The following SMCO3 variants were observed in gnomAD, a reference collection of about 807,000 sequenced individuals.
SMCO3 encodes the protein single-pass membrane and coiled-coil domain-containing protein 3.
SMCO3 carries 6 observed loss-of-function variants against 12.0 expected under a neutral mutation model. The observed-to-expected ratio is 0.50, with a 90% CI of 0.27 to 0.99. The LOEUF (loss-of-function observed/expected upper bound fraction) is 0.99, where lower values mean the gene tolerates loss of function less well. Among genes scored for constraint, SMCO3 ranks in the 50% least tolerant of loss-of-function variants. SMCO3 has a pLI of 0.11. For synonymous variants in SMCO3, 96 were observed against 96.4 expected (o/e 1.00, Z 0.02); for missense variants, 279 against 265.0 (o/e 1.05, Z -0.37).
Position 14,805,976 on chromosome 12 carries a change from C to T in SMCO3, c.*27G>A. 1.9e-6 allele frequency: 3 copies of T among 1,562,922 alleles called. No individual in the cohort carries two copies. Among genetic ancestry groups the T allele is most frequent in the Non-Finnish European group, 1.7e-6 (2 of 1,155,078 alleles). ...TGTTACTGAAAAGGAAGCAGAAAAA[C>T]ACTTCAGTGGCAAATAAAACGGCTG... On this transcript the variant is annotated 3_prime_UTR_variant, in exon 2 of 2. Coordinates refer to ENST00000316048, the MANE Select transcript of SMCO3 (RefSeq NM_001013698.2).
At position 14,806,622 on chromosome 12, in the gene SMCO3, C is replaced by A; in HGVS notation, c.59G>T (p.Arg20Leu). The A allele has an allele frequency of 6.2e-7, 1 of 1,613,088 alleles. No individual in the cohort carries two copies. The highest frequency in any genetic ancestry group is 8.5e-7 in the Non-Finnish European group (1 of 1,179,744). Reference sequence around the variant, plus strand: ...GCAATCAAGAAGCTGCTGGTGAAGACGATTTACTTCTTCCCGCCTTTTTGG... The same window carrying A: ...GCAATCAAGAAGCTGCTGGTGAAGAAGATTTACTTCTTCCCGCCTTTTTGG... The part of the protein sequence containing the change: ...ENPKRREEVN[R>L]LHQQLLDCLS... Residue 20 changes from arginine to leucine, a missense_variant, in exon 2 of 2, where the codon CGT becomes CTT. Transcript: ENST00000316048.
intron 1 of SMCO3, among the ~76,000 whole-genome samples, chr12:14,813,452 C>G (rs892602444): frequency 1.3e-5 from 2 of 152,136 alleles, no homozygotes; most frequent in African/African-American, 4.8e-5. Flanking sequence ...AAAAATTGAT[C>G]ATGATGTGAT....
At chr12:14,809,284 T>C (rs918930890) in intron 1 of SMCO3, among the ~76,000 whole-genome samples, 3 of 152,222 alleles carry the variant, frequency 2.0e-5, no homozygotes, top group African/African-American at 7.2e-5. Context: ...CGGCTCCTTT[T>C]CAATTAACTC....
At chr12:14,811,056 G>A (rs1285493492) in intron 1 of SMCO3, among the ~76,000 whole-genome samples, 3 of 152,150 alleles carry the variant, frequency 2.0e-5, no homozygotes, top group Non-Finnish European at 2.9e-5. Flanking sequence ...AGCACCAACA[G>A]CAAGTGGTAT....
In SMCO3 at chr12:14,806,051, A is replaced by G. The variant is rs1950043140; in HGVS notation, c.630T>C (p.Asn210=). 6.2e-7 allele frequency: 1 copy of G among 1,614,042 alleles called. No homozygotes were observed. Among genetic ancestry groups the G allele is most frequent in the Non-Finnish European group, 8.5e-7 (1 of 1,180,018 alleles). The change falls in exon 2 of 2, where the codon AAT becomes AAC. Residue 210 remains asparagine, a synonymous_variant. Coordinates refer to ENST00000316048, the MANE Select transcript of SMCO3 (RefSeq NM_001013698.2). The stretch of plus-strand genomic sequence containing the variant: ...TATTGATGACCTCAGTAATGGCATG[A>G]TTATATTTTTCTGAGGCTGATTTGA... The part of the protein sequence containing the change: ...VEFKSASEKY[N]HAITEVINTV...
chr12:14,811,456 T>C (rs1318615883), intron 1 of SMCO3, among the ~76,000 whole-genome samples: 1 of 152,234 alleles, frequency 6.6e-6, no homozygotes, highest in Admixed American at 6.5e-5. Flanking sequence ...AATTTTTGAC[T>C]TGTTATTTTA....
Position 14,806,651 on chromosome 12 carries a change from C to G in SMCO3, c.30G>C (p.Glu10Asp). Reference sequence around the variant, plus strand: ...TTACTTCTTCCCGCCTTTTTGGGTTCTCTGGGTAAAGGAAGTCACTTTGGG... The same window carrying G: ...TTACTTCTTCCCGCCTTTTTGGGTTGTCTGGGTAAAGGAAGTCACTTTGGG... The part of the protein sequence containing the change: MAQSDFLYP[E>D]NPKRREEVNR... The change falls in exon 2 of 2, where the codon GAG becomes GAC. Residue 10 changes from glutamate to aspartate, a missense_variant. Transcript: ENST00000316048. 1 of 1,608,112 alleles carries G rather than the reference C, an allele frequency of 6.2e-7. No homozygotes were observed. The highest frequency in any genetic ancestry group is 8.5e-7 in the Non-Finnish European group (1 of 1,177,914).
In SMCO3 at chr12:14,808,917, A is replaced by G. The variant is rs77359371; in HGVS notation, c.-16-2221T>C. Among the ~76,000 whole-genome samples, 182 of 152,306 alleles carry G rather than the reference A, an allele frequency of 1.2e-3. 6 individuals carry two copies. In the East Asian group the frequency reaches 0.031, roughly 26 times the overall value. On this transcript the variant is annotated intron_variant, in intron 1 of 1. Coordinates refer to ENST00000316048, the MANE Select transcript of SMCO3 (RefSeq NM_001013698.2). Reference sequence around the variant, plus strand: ...CCAGTAAATATTCTCTAAACTTACAATGGGTTGGAAACTGTAATTTGCTAA... The same window carrying G: ...CCAGTAAATATTCTCTAAACTTACAGTGGGTTGGAAACTGTAATTTGCTAA...
At chr12:14,811,651 G>T (rs889064722) in intron 1 of SMCO3, among the ~76,000 whole-genome samples, 3 of 152,188 alleles carry the variant, frequency 2.0e-5, no homozygotes, top group Non-Finnish European at 2.9e-5. Flanking sequence ...GAAATATGCT[G>T]ATAATTGTGT....
chr12:14,808,369 C>CTT (rs994415969), intron 1 of SMCO3, among the ~76,000 whole-genome samples: 10 of 145,648 alleles, frequency 6.9e-5, no homozygotes, highest in African/African-American at 2.5e-4. Flanking sequence ...GTGGCTGGTA[C>CTT]TTTTTTTTTT....
At position 14,805,915 on chromosome 12, in the gene SMCO3, C is replaced by A; in HGVS notation, c.*88G>T. 1 of 1,285,238 alleles carries A rather than the reference C, an allele frequency of 7.8e-7. No individual in the cohort carries two copies. Among genetic ancestry groups the A allele is most frequent in the East Asian group, 2.3e-5 (1 of 43,094 alleles). The allele number at this position is 1,285,238 out of a possible 1,614,324, so 79.6% of individuals were successfully genotyped here. A position where few individuals can be genotyped will look rare whatever the true frequency, so the allele number is the denominator to read the frequency against. On this transcript the variant is annotated 3_prime_UTR_variant, in exon 2 of 2. Coordinates refer to ENST00000316048, the MANE Select transcript of SMCO3 (RefSeq NM_001013698.2). ...ATCTTATTTAAGTCCATATTGGAAG[C>A]CTATAGAAAATGAACCTAATCAAAG...
intron 1 of SMCO3, among the ~76,000 whole-genome samples, chr12:14,812,817 T>G (rs1439369011): frequency 2.0e-5 from 3 of 152,060 alleles, no homozygotes; most frequent in Non-Finnish European, 4.4e-5. Flanking sequence ...GACTATACTG[T>G]GTGTTGCTGA....
In SMCO3 at chr12:14,806,639, CCT is replaced by C; in HGVS notation, c.40_41del (p.Arg14AlafsTer13). ...GGTGAAGACGATTTACTTCTTCCCG[CCT>C]TTTTGGGTTCTCTGGGTAAAGGAAG... Reference protein sequence around the residue: ...SDFLYPENPKRREEVNRLHQQ... With the variant: ...SDFLYPENPKXREEVNRLHQQ... On this transcript the variant is annotated frameshift_variant, in exon 2 of 2. Transcript: ENST00000316048. LOFTEE classifies it high-confidence loss of function. 3.1e-6 allele frequency: 5 copies of C among 1,610,640 alleles called. No homozygotes were observed. Among genetic ancestry groups the C allele is most frequent in the Non-Finnish European group, 4.2e-6 (5 of 1,178,874 alleles).
Position 14,808,332 on chromosome 12 carries a change from T to C in SMCO3, c.-16-1636A>G, listed in dbSNP as rs530827395. On this transcript the variant is annotated intron_variant, in intron 1 of 1. Transcript: ENST00000316048. ...CCAGTAAGAGCACGATGCTACTCAA[T>C]ATGCATACTTTGAGTAGCCTTCCTA... Among the ~76,000 whole-genome samples, 19 of 152,248 alleles carry C rather than the reference T, an allele frequency of 1.2e-4. No individual in the cohort carries two copies. The South Asian group carries it at 3.7e-3, about 30-fold the overall frequency.
chr12:14,812,471 G>T (rs1373202537), intron 1 of SMCO3, among the ~76,000 whole-genome samples: 3 of 151,780 alleles, frequency 2.0e-5, no homozygotes, highest in Non-Finnish European at 2.9e-5. Context: ...TATTGGTTAC[G>T]TATACTATTC....
At chr12:14,812,204 G>A (rs1371346300) in intron 1 of SMCO3, among the ~76,000 whole-genome samples, 1 of 152,190 alleles carries the variant, frequency 6.6e-6, no homozygotes, top group African/African-American at 2.4e-5. Context: ...GAGCACTTTG[G>A]GAGGCCGAGG....
In SMCO3 at chr12:14,805,684, A is replaced by G; in HGVS notation, c.*319T>C. 4.6e-6 allele frequency: 1 copy of G among 219,296 alleles called. No homozygotes were observed. Among genetic ancestry groups the G allele is most frequent in the Non-Finnish European group, 8.9e-6 (1 of 112,812 alleles). 13.6% of individuals were successfully genotyped at this position (219,296 alleles called of 1,614,324 possible). On this transcript the variant is annotated 3_prime_UTR_variant, in exon 2 of 2. Coordinates refer to ENST00000316048, the MANE Select transcript of SMCO3 (RefSeq NM_001013698.2). ...GAAATTTAAGAATTTTACTGAAATT[A>G]GAAAAGAGAAAAGTAACCCCTATAC... is the stretch of plus-strand genomic sequence containing the variant.
chr12:14,808,625 A>C (rs1200571988), intron 1 of SMCO3, among the ~76,000 whole-genome samples: 1 of 152,208 alleles, frequency 6.6e-6, no homozygotes, highest in Non-Finnish European at 1.5e-5. Context: ...TATGGATATA[A>C]GTTGGCAACG....
chr12:14,813,806 T>G (rs1353405886), intron 1 of SMCO3, among the ~76,000 whole-genome samples: 1 of 152,242 alleles, frequency 6.6e-6, no homozygotes, highest in African/African-American at 2.4e-5. Context: ...CCATGTAAAC[T>G]TCACACATTC....
Sources: gnomAD v4.1 joint callset for allele counts (sites outside exome capture counted in the v4.1 genomes callset) on GRCh38, gnomAD v4.1.1 for gene constraint, MANE v1.5 for transcripts, NCBI Gene and HGNC (gene_info 2026-07-23, HGNC 2026-07-21) for gene names.